The following ZBTB16 variants were observed in gnomAD, a reference collection of about 807,000 sequenced individuals.
The protein encoded by ZBTB16 is zinc finger and BTB domain containing 16, also known as zinc finger and BTB domain-containing protein 16.
A neutral mutation model predicts 56.8 loss-of-function variants in ZBTB16; 8 were observed. The ratio of observed to expected loss-of-function variants is 0.14; its 90% confidence interval spans 0.08 to 0.25. ZBTB16 has a LOEUF of 0.25. Among genes scored for constraint, ZBTB16 ranks in the 10% least tolerant of loss-of-function variants. The pLI, the probability that ZBTB16 is intolerant of heterozygous loss-of-function variation, is 1.00. For missense variants in ZBTB16, 625 were observed against 903.0 expected (o/e 0.69, Z 3.95); for synonymous variants, 363 against 368.5 (o/e 0.98, Z 0.17).
At chr11:114,113,417 G>A (rs1245573468) in intron 2 of ZBTB16, among the ~76,000 whole-genome samples, 1 of 152,168 alleles carries the variant, frequency 6.6e-6, no homozygotes, top group African/African-American at 2.4e-5. Context: ...AGAATGAAGG[G>A]GAGAGAACCA....
chr11:114,150,294 G>C (rs1390702220), intron 2 of ZBTB16, among the ~76,000 whole-genome samples: 1 of 152,170 alleles, frequency 6.6e-6, no homozygotes, highest in African/African-American at 2.4e-5. Context: ...TAGTAGAACA[G>C]GCTCTGTTTA....
intron 2 of ZBTB16, among the ~76,000 whole-genome samples, chr11:114,084,707 C>T (rs1159816150): frequency 2.0e-5 from 3 of 152,198 alleles, no homozygotes; most frequent in African/African-American, 7.2e-5. Context: ...CCCTTCTCCA[C>T]GTGGGGCCTC....
chr11:114,176,238 A>T (rs889891317), intron 3 of ZBTB16, among the ~76,000 whole-genome samples: 1 of 151,984 alleles, frequency 6.6e-6, no homozygotes, highest in African/African-American at 2.4e-5. Flanking sequence ...ACCTGGGAGG[A>T]GGGTGATTGT....
At chr11:114,111,342 T>TA (rs1337477747) in intron 2 of ZBTB16, among the ~76,000 whole-genome samples, 1 of 152,214 alleles carries the variant, frequency 6.6e-6, no homozygotes, top group Non-Finnish European at 1.5e-5. Context: ...CCAACCTATA[T>TA]AATTGGCTGT....
rs1239644680 is a variant in ZBTB16 at position 114,252,105 on chromosome 11, G to GA, written c.*1550_*1551insA. ...GATCTGAATGTGAGGGCCGAGGAGG[G>GA]CGAAGAGCGTGGGTGGGGAGGGGAT... On this transcript the variant is annotated 3_prime_UTR_variant, in exon 7 of 7. Coordinates refer to ENST00000335953, the MANE Select transcript of ZBTB16 (RefSeq NM_006006.6). 1.3e-5 allele frequency among the ~76,000 whole-genome samples: 2 copies of GA among 152,180 alleles called. No individual in the cohort carries two copies. The highest frequency in any genetic ancestry group is 2.9e-5 in the Non-Finnish European group (2 of 68,028).
At chr11:114,120,803 A>C (rs780714052) in intron 2 of ZBTB16, among the ~76,000 whole-genome samples, 1 of 152,128 alleles carries the variant, frequency 6.6e-6, no homozygotes, top group Non-Finnish European at 1.5e-5. Context: ...ACTGGCCTGG[A>C]GTCGGGGTGA....
chr11:114,176,701 C>T (rs1489189839), intron 3 of ZBTB16, among the ~76,000 whole-genome samples: 1 of 152,188 alleles, frequency 6.6e-6, no homozygotes, highest in East Asian at 1.9e-4. Flanking sequence ...CATCCTTTCT[C>T]CCTTAGAGAT....
At chr11:114,157,571 C>G (rs1221523708) in intron 3 of ZBTB16, among the ~76,000 whole-genome samples, 1 of 152,222 alleles carries the variant, frequency 6.6e-6, no homozygotes, top group Admixed American at 6.5e-5. Flanking sequence ...TCCCTGCCTG[C>G]CTGGCCGTTT....
intron 4 of ZBTB16, 21 bp from the exon 5 acceptor site, chr11:114,242,146 C>T (rs1944719511): frequency 1.2e-6 from 2 of 1,613,356 alleles, no homozygotes; most frequent in Non-Finnish European, 1.7e-6. Flanking sequence ...TCTGAGGCAC[C>T]CCCTCTCCTG....
chr11:114,178,720 A>G (rs1229391467), intron 3 of ZBTB16, among the ~76,000 whole-genome samples: 1 of 152,196 alleles, frequency 6.6e-6, no homozygotes, highest in East Asian at 1.9e-4. Flanking sequence ...GTAAGAGACA[A>G]GGGCACCATG....
intron 2 of ZBTB16, among the ~76,000 whole-genome samples, chr11:114,089,020 C>T (rs73000942): frequency 0.011 from 1,663 of 152,322 alleles, 15 homozygotes; most frequent in Non-Finnish European, 0.018. Context: ...ACGAGGACTA[C>T]GAGGCCTGCA....
intron 4 of ZBTB16, among the ~76,000 whole-genome samples, chr11:114,232,204 C>A (rs1379414066): frequency 2.0e-5 from 3 of 152,186 alleles, no homozygotes; most frequent in Non-Finnish European, 4.4e-5. Flanking sequence ...AGTGCTCATG[C>A]AACCTTGCAG....
At chr11:114,155,389 C>G (rs1023780289) in intron 2 of ZBTB16, among the ~76,000 whole-genome samples, 1 of 152,208 alleles carries the variant, frequency 6.6e-6, no homozygotes, top group Admixed American at 6.5e-5. Context: ...CTAGCGCACC[C>G]GGTTCCCTGC....
intron 4 of ZBTB16, among the ~76,000 whole-genome samples, chr11:114,217,613 G>C (rs917926983): frequency 6.6e-6 from 1 of 152,190 alleles, no homozygotes; most frequent in East Asian, 1.9e-4. Context: ...GGAACATCTA[G>C]GGAGCAGCTA....
chr11:114,160,886 G>C (rs1376771889), intron 3 of ZBTB16, among the ~76,000 whole-genome samples: 1 of 151,648 alleles, frequency 6.6e-6, no homozygotes, highest in Non-Finnish European at 1.5e-5. Flanking sequence ...AGAGGCTTGG[G>C]GTGGGAAGAG....
intron 4 of ZBTB16, among the ~76,000 whole-genome samples, chr11:114,235,629 C>CCTTCCTTTCTTTCTTTCTTTCTTTCTTT (rs767837990): frequency 1.1e-4 from 11 of 97,858 alleles, no homozygotes; most frequent in African/African-American, 4.1e-4. Context: ...CCTCTCCCTT[C>CCTTCCTTTCTTTCTTTCTTTCTTTCTTT]CTTTCTTTCT....
chr11:114,171,873 T>G (rs182604579), intron 3 of ZBTB16, among the ~76,000 whole-genome samples: 6 of 152,246 alleles, frequency 3.9e-5, no homozygotes, highest in Admixed American at 3.3e-4. Flanking sequence ...TGGTGTTTGG[T>G]TAAATTGTAA....
At chr11:114,130,993 T>C (rs1431661479) in intron 2 of ZBTB16, among the ~76,000 whole-genome samples, 4 of 152,192 alleles carry the variant, frequency 2.6e-5, no homozygotes, top group African/African-American at 9.7e-5. Flanking sequence ...GGTAGTGAGG[T>C]AATTGCATCC....
intron 2 of ZBTB16, among the ~76,000 whole-genome samples, chr11:114,124,069 C>G (rs1202053135): frequency 8.9e-6 from 1 of 112,986 alleles, no homozygotes; most frequent in Non-Finnish European, 2.1e-5. Context: ...GGTCACTCTG[C>G]TTTGCGGAGA....
Sources: allele counts gnomAD v4.1 joint callset (sites outside exome capture counted in the v4.1 genomes callset), GRCh38; gene constraint gnomAD v4.1.1; transcripts MANE v1.5; gene names NCBI Gene and HGNC (gene_info 2026-07-23, HGNC 2026-07-21).